PAK1: variants seen among roughly 807,000 people sequenced by gnomAD.
PAK1 encodes p21 (RAC1) activated kinase 1.
A neutral mutation model predicts 67.4 loss-of-function variants in PAK1; 29 were observed. The ratio of observed to expected loss-of-function variants is 0.43; its 90% CI spans 0.32 to 0.59. The LOEUF (loss-of-function observed/expected upper bound fraction) is 0.59, where lower values mean the gene tolerates loss of function less well. Ranked by LOEUF, PAK1 falls within the 20% of genes least tolerant of loss-of-function variation. The probability of loss-of-function intolerance (pLI) is 0.07; values close to 1 mark genes in which losing one functional copy is unlikely to be tolerated. For synonymous variants in PAK1, 223 were observed against 237.4 expected, an observed-to-expected ratio of 0.94 and a Z score of 0.56; for missense variants, 337 against 670.7, an observed-to-expected ratio of 0.50 and a Z score of 5.50.
upstream of PAK1, chr11:77,474,207 C>G (rs2135608478): frequency 6.7e-6 from 1 of 149,378 alleles, no homozygotes; most frequent in East Asian, 2.1e-4. Flanking sequence ...CCCACTCCCC[C>G]TCCCCGGCGC....
the PAK1 span, among the ~76,000 whole-genome samples, chr11:77,524,704 G>T: frequency 6.6e-6 from 1 of 152,200 alleles, no homozygotes; most frequent in Non-Finnish European, 1.5e-5. Flanking sequence ...ATCAATGGGT[G>T]CTTGTTGAAA....
chr11:77,421,986 C>T (rs1207283256), intron 1 of PAK1, among the ~76,000 whole-genome samples: 1 of 152,172 alleles, frequency 6.6e-6, no homozygotes, highest in Non-Finnish European at 1.5e-5. Flanking sequence ...TAGGACCCAG[C>T]TTAAATGTCA....
chr11:77,458,708 A>G (rs375162395), intron 1 of PAK1, among the ~76,000 whole-genome samples: 1 of 152,334 alleles, frequency 6.6e-6, no homozygotes, highest in East Asian at 1.9e-4. Flanking sequence ...CTAATTTTAT[A>G]AGTCCCTATA....
upstream of PAK1, among the ~76,000 whole-genome samples, chr11:77,477,800 T>C (rs1958075878): frequency 6.6e-6 from 1 of 152,106 alleles, no homozygotes; most frequent in African/African-American, 2.4e-5. Flanking sequence ...GATTCATGCC[T>C]GTAATCCCAG....
At chr11:77,340,563 G>A in intron 11 of PAK1, 83 bp downstream of exon 11, 1 of 771,686 alleles carries the variant, frequency 1.3e-6, no homozygotes, top group Non-Finnish European at 2.4e-6. Context: ...AGCCCAGGCT[G>A]AGATCTCACT....
intron 1 of PAK1, among the ~76,000 whole-genome samples, chr11:77,406,152 C>T (rs1274045316): frequency 6.6e-6 from 1 of 152,102 alleles, no homozygotes; most frequent in Non-Finnish European, 1.5e-5. Flanking sequence ...TACACTTTTC[C>T]CAAGATTATT....
intron 1 of PAK1, among the ~76,000 whole-genome samples, chr11:77,409,161 A>C (rs536609176): frequency 6.6e-6 from 1 of 152,130 alleles, no homozygotes; most frequent in Middle Eastern, 3.4e-3. Context: ...AGTCCCAACT[A>C]CTTCAGAGGT....
intron 1 of PAK1, among the ~76,000 whole-genome samples, chr11:77,428,321 T>C (rs1208446231): frequency 6.6e-6 from 1 of 152,108 alleles, no homozygotes; most frequent in Non-Finnish European, 1.5e-5. Flanking sequence ...CCCAGCACTT[T>C]GGGAGACCGA....
intron 11 of PAK1, among the ~76,000 whole-genome samples, chr11:77,338,097 G>C (rs895873155): frequency 1.3e-5 from 2 of 152,086 alleles, no homozygotes; most frequent in Non-Finnish European, 2.9e-5. Flanking sequence ...GTAATAAAGA[G>C]ACACAATGGT....
At chr11:77,496,562 T>C in the PAK1 span, among the ~76,000 whole-genome samples, 9 of 151,918 alleles carry the variant, frequency 5.9e-5, 1 homozygote, top group Admixed American at 5.2e-4. Flanking sequence ...GAGGTAGAGG[T>C]TGCAGTGAGC....
chr11:77,517,170 T>G, the PAK1 span, among the ~76,000 whole-genome samples: 2 of 152,096 alleles, frequency 1.3e-5, no homozygotes, highest in Non-Finnish European at 2.9e-5. Flanking sequence ...TTGTTGGCTC[T>G]CTCCACACAT....
intron 1 of PAK1, among the ~76,000 whole-genome samples, chr11:77,422,227 T>C (rs1341492639): frequency 6.6e-6 from 1 of 152,072 alleles, no homozygotes; most frequent in Non-Finnish European, 1.5e-5. Flanking sequence ...TTTTATAAAA[T>C]CATACAGGGT....
chr11:77,477,735 A>G (rs562035817), upstream of PAK1, among the ~76,000 whole-genome samples: 6 of 152,114 alleles, frequency 3.9e-5, no homozygotes, highest in Non-Finnish European at 7.4e-5. Context: ...AGTCTGGGCG[A>G]CAGAGTGAGA....
chr11:77,345,712 G>A (rs898648206), intron 9 of PAK1, among the ~76,000 whole-genome samples: 1 of 152,220 alleles, frequency 6.6e-6, no homozygotes, highest in Non-Finnish European at 1.5e-5. Flanking sequence ...TTCTGGTCTG[G>A]CTGCAGCTGT....
intron 1 of PAK1, among the ~76,000 whole-genome samples, chr11:77,442,722 G>T (rs1057300813): frequency 2.0e-5 from 3 of 151,702 alleles, no homozygotes; most frequent in Non-Finnish European, 2.9e-5. Context: ...AGTTTTGCAG[G>T]TAATTTGTCT....
At chr11:77,410,590 G>A (rs985026678) in intron 1 of PAK1, among the ~76,000 whole-genome samples, 2 of 151,692 alleles carry the variant, frequency 1.3e-5, no homozygotes, top group Non-Finnish European at 2.9e-5. Flanking sequence ...AAGAGGGGGA[G>A]GATCCAAGAG....
intron 1 of PAK1, among the ~76,000 whole-genome samples, chr11:77,439,018 G>A (rs763665184): frequency 6.4e-4 from 98 of 152,282 alleles, no homozygotes; most frequent in Non-Finnish European, 2.5e-4. Context: ...CCAATGGTCC[G>A]ATATACATCA....
At chr11:77,466,527 C>T (rs1257680000) in intron 1 of PAK1, among the ~76,000 whole-genome samples, 5 of 151,536 alleles carry the variant, frequency 3.3e-5, no homozygotes, top group South Asian at 2.1e-4. Context: ...GGCGTGAACC[C>T]GGGAGGCAGA....
At chr11:77,379,771 G>A in intron 3 of PAK1, 123 bp downstream of exon 3, 1 of 716,794 alleles carries the variant, frequency 1.4e-6, no homozygotes, top group Non-Finnish European at 2.4e-6. Context: ...ATGAACGTGA[G>A]AAAATTGTAA....
Sources: allele counts gnomAD v4.1 joint callset (sites outside exome capture counted in the v4.1 genomes callset), GRCh38; gene constraint gnomAD v4.1.1; transcripts MANE v1.5; gene names NCBI Gene and HGNC (gene_info 2026-07-23, HGNC 2026-07-21).